The following ST8SIA5 variants were observed in gnomAD, a reference collection of about 807,000 sequenced individuals.
ST8SIA5 encodes alpha-2,8-sialyltransferase 8E.
ST8SIA5 carries 24 observed loss-of-function variants against 40.2 expected under a neutral mutation model. That is an observed-to-expected ratio of 0.60 (90% CI 0.43 to 0.84). The LOEUF (loss-of-function observed/expected upper bound fraction) is 0.84. Among genes scored for constraint, ST8SIA5 ranks in the 40% least tolerant of loss-of-function variants. The probability of loss-of-function intolerance (pLI) is 0.00; values close to 1 mark genes in which losing one functional copy is unlikely to be tolerated. For missense variants in ST8SIA5, 465 were observed against 498.5 expected (o/e 0.93, Z 0.64); for synonymous variants, 198 against 201.8 (o/e 0.98, Z 0.16).
At chr18:46,694,431 C>T (rs1265979182) in intron 2 of ST8SIA5, among the ~76,000 whole-genome samples, 1 of 152,154 alleles carries the variant, frequency 6.6e-6, no homozygotes, top group Non-Finnish European at 1.5e-5. Flanking sequence ...AGTAAAACTG[C>T]GAAATGCAGA....
chr18:46,735,015 A>G (rs1479521888), intron 1 of ST8SIA5, among the ~76,000 whole-genome samples: 1 of 152,236 alleles, frequency 6.6e-6, no homozygotes, highest in African/African-American at 2.4e-5. Context: ...GGTAGGCACC[A>G]TCTAATCAAC....
At position 46,702,751 on chromosome 18, in the gene ST8SIA5, G is replaced by A. The variant is rs544279172; in HGVS notation, c.224+1821C>T. ...CCCTGTCACTACCCCAGCTCCTTAG[G>A]GTAACTAGCTATTAATGTCTGTCCC... On this transcript the variant is annotated intron_variant, in intron 2 of 6. Transcript: ENST00000315087. Among the ~76,000 whole-genome samples the A allele has an allele frequency of 8.9e-4, 136 of 152,336 alleles. 1 individual carries two copies. Among genetic ancestry groups the A allele is most frequent in the Middle Eastern group, 6.8e-3 (2 of 294 alleles).
intron 4 of ST8SIA5, among the ~76,000 whole-genome samples, chr18:46,687,559 G>A (rs183140267): frequency 5.1e-4 from 77 of 152,228 alleles, no homozygotes; most frequent in Non-Finnish European, 2.4e-4. Context: ...TCCAGGCCTT[G>A]TAAGACCCAC....
Position 46,726,006 on chromosome 18 carries a change from TATATCCTGG to T in ST8SIA5, c.132-21351_132-21343del, listed in dbSNP as rs1233177592. On this transcript the variant is annotated intron_variant, in intron 1 of 6. Coordinates refer to ENST00000315087, the MANE Select transcript of ST8SIA5 (RefSeq NM_013305.6). ...ATATATATATATATATATATATATA[TATATCCTGG>T]ATATATATATATATCCTGGATATAT... Among the ~76,000 whole-genome samples, 95 of 63,468 alleles carry T rather than the reference TATATCCTGG, an allele frequency of 1.5e-3. 1 individual carries two copies. The highest frequency in any genetic ancestry group is 7.7e-3 in the East Asian group (7 of 908). The allele number at this position is 63,468 out of a possible 152,430, so 41.6% of individuals were successfully genotyped here.
rs573304919 is a variant in ST8SIA5, at chr18:46,704,802, A to G, written c.132-138T>C. ...CCAGCCCCATCCCAGCAGATGTCCC[A>G]TTAGGGGCTTCAGGCAGACCATGGG... On this transcript the variant is annotated intron_variant, in intron 1 of 6. Transcript: ENST00000315087. 368 of 721,396 alleles carry G rather than the reference A, an allele frequency of 5.1e-4. No homozygotes were observed. In the African/African-American group the frequency reaches 5.7e-3, roughly 11 times the overall value. 44.7% of individuals were successfully genotyped at this position (721,396 alleles called of 1,614,324 possible).
At chr18:46,719,850 C>CT (rs1022029210) in intron 1 of ST8SIA5, among the ~76,000 whole-genome samples, 1 of 139,816 alleles carries the variant, frequency 7.2e-6, no homozygotes, top group South Asian at 2.3e-4. Context: ...CTCTCTCTTT[C>CT]TTTTTTTTGA....
rs1410726042 is a variant in ST8SIA5, at chr18:46,680,034, G to A, written c.*8C>T. On this transcript the variant is annotated 3_prime_UTR_variant, in exon 7 of 7. Transcript: ENST00000315087. ...GCGCCGCTTGCCGGGCAGCCTGGCT[G>A]GCAGCCATCAGCAGCAGCTGCAGGT... 12 of 1,594,354 alleles carry A rather than the reference G, an allele frequency of 7.5e-6. No homozygotes were observed. Among genetic ancestry groups the A allele is most frequent in the Non-Finnish European group, 1.0e-5 (12 of 1,168,528 alleles).
intron 1 of ST8SIA5, among the ~76,000 whole-genome samples, chr18:46,706,755 A>C (rs2039674044): frequency 6.6e-6 from 1 of 152,222 alleles, no homozygotes; most frequent in Admixed American, 6.5e-5. Flanking sequence ...AGATGGATTC[A>C]GACCTGTTAT....
chr18:46,739,077 G>A (rs955271526), intron 1 of ST8SIA5, among the ~76,000 whole-genome samples: 3 of 152,220 alleles, frequency 2.0e-5, no homozygotes, highest in Admixed American at 6.5e-5. Flanking sequence ...TGAGCAGGAT[G>A]TGCTAAGTAG....
intron 1 of ST8SIA5, among the ~76,000 whole-genome samples, chr18:46,756,125 G>C (rs571339105): frequency 6.6e-6 from 1 of 152,332 alleles, no homozygotes; most frequent in African/African-American, 2.4e-5. Flanking sequence ...TGGTTGCTTG[G>C]AATTCTATTC....
chr18:46,682,508 C>T (rs1233772170), intron 5 of ST8SIA5, among the ~76,000 whole-genome samples: 1 of 152,194 alleles, frequency 6.6e-6, no homozygotes. Flanking sequence ...GCGATATGTT[C>T]GAAGATGCAT....
Position 46,680,143 on chromosome 18 carries a change from G to A in ST8SIA5, c.1030C>T (p.Arg344Cys). 6.2e-7 allele frequency: 1 copy of A among 1,614,256 alleles called. No individual in the cohort carries two copies. Among genetic ancestry groups the A allele is most frequent in the East Asian group, 2.2e-5 (1 of 44,882 alleles). The change falls in exon 7 of 7, where the codon CGT becomes TGT. Residue 344 changes from arginine to cysteine, a missense_variant. Arg to Cys is a radical substitution (Grantham distance 180). Transcript: ENST00000315087. ...GAGGGCATGGCGTGGAAGCCGGGAC[G>A]CGGCTTGACGTTGTCATAGTAGTGG... ...THHYYDNVKP[R>C]PGFHAMPSEI...
At chr18:46,715,561 T>C (rs2144518738) in intron 1 of ST8SIA5, among the ~76,000 whole-genome samples, 1 of 151,962 alleles carries the variant, frequency 6.6e-6, no homozygotes, top group African/African-American at 2.4e-5. Flanking sequence ...CTATTTTTTT[T>C]TTTTTTTAAT....
At chr18:46,689,195 C>T (rs1443971286) in intron 3 of ST8SIA5, among the ~76,000 whole-genome samples, 5 of 152,178 alleles carry the variant, frequency 3.3e-5, no homozygotes, top group Admixed American at 6.5e-5. Flanking sequence ...CCCTTTTCAA[C>T]GCCTCTCCCA....
intron 1 of ST8SIA5, among the ~76,000 whole-genome samples, chr18:46,738,981 G>T (rs1287478027): frequency 1.3e-5 from 2 of 152,120 alleles, no homozygotes; most frequent in South Asian, 2.1e-4. Context: ...AGCATAGGAG[G>T]GTCCTCTGTA....
intron 1 of ST8SIA5, among the ~76,000 whole-genome samples, 199 bp from the exon 2 acceptor site, chr18:46,704,863 T>C (rs1290323572): frequency 1.3e-5 from 2 of 152,136 alleles, no homozygotes; most frequent in Non-Finnish European, 2.9e-5. Flanking sequence ...TCAGTTACTC[T>C]CAGCGCCCCA....
chr18:46,720,470 C>T (rs565686310), intron 1 of ST8SIA5, among the ~76,000 whole-genome samples: 7 of 152,280 alleles, frequency 4.6e-5, no homozygotes, highest in African/African-American at 1.7e-4. Flanking sequence ...ACATCAGAAT[C>T]TCATCTTTCT....
intron 4 of ST8SIA5, among the ~76,000 whole-genome samples, chr18:46,687,234 T>G (rs756589345): frequency 3.9e-5 from 6 of 152,226 alleles, no homozygotes; most frequent in Non-Finnish European, 5.9e-5. Flanking sequence ...AAAATTCCAA[T>G]TTTGGCATCT....
At chr18:46,715,300 T>G (rs1028403064) in intron 1 of ST8SIA5, among the ~76,000 whole-genome samples, 2 of 152,154 alleles carry the variant, frequency 1.3e-5, no homozygotes, top group African/African-American at 2.4e-5. Context: ...ACGATGGCAT[T>G]CGGGACTGCA....
Sources: gnomAD v4.1 joint callset for allele counts (sites outside exome capture counted in the v4.1 genomes callset) on GRCh38, gnomAD v4.1.1 for gene constraint, MANE v1.5 for transcripts, NCBI Gene and HGNC (gene_info 2026-07-23, HGNC 2026-07-21) for gene names.